STK3: variants seen among roughly 807,000 people sequenced by gnomAD.
The protein encoded by STK3 is serine/threonine kinase 3.
In STK3, 41 loss-of-function variants were observed where a neutral mutation model predicts 58.0. That is an observed-to-expected ratio of 0.71 (90% CI 0.55 to 0.92). The LOEUF (loss-of-function observed/expected upper bound fraction) is 0.92. STK3 is among the 40% of genes least tolerant of loss of function. The pLI is 0.00. For synonymous variants in STK3, 170 were observed against 191.0 expected, an observed-to-expected ratio of 0.89 and a Z score of 0.91; for missense variants, 479 against 602.7, an observed-to-expected ratio of 0.79 and a Z score of 2.15.
At chr8:98,893,421 G>GGAAGGAAA (rs1838281363) in intron 1 of STK3, among the ~76,000 whole-genome samples, 28 of 60,526 alleles carry the variant, frequency 4.6e-4, no homozygotes, top group Non-Finnish European at 6.4e-4. Context: ...AAGGAAGGAA[G>GGAAGGAAA]GAAAGAAAGA....
At chr8:98,774,088 G>A (rs1433764037) in intron 2 of STK3, among the ~76,000 whole-genome samples, 1 of 151,954 alleles carries the variant, frequency 6.6e-6, no homozygotes, top group Non-Finnish European at 1.5e-5. Context: ...GAGCCACCGC[G>A]ACCGGCCTAG....
intron 3 of STK3, among the ~76,000 whole-genome samples, chr8:98,416,364 G>GTTTTTTTTTTTTTTTTTTTTTTTTTTTT (rs57447680): frequency 1.3e-5 from 1 of 79,532 alleles, no homozygotes; most frequent in African/African-American, 5.0e-5. Flanking sequence ...GTTTGAAACT[G>GTTTTTTTTTTTTTTTTTTTTTTTTTTTT]TTTTTTTTTT....
At chr8:98,508,956 G>A (rs1250003497) in intron 10 of STK3, among the ~76,000 whole-genome samples, 1 of 152,016 alleles carries the variant, frequency 6.6e-6, no homozygotes. Context: ...TATAAATTGA[G>A]TAAACAAAAA....
rs1814501873 is a variant in STK3, at chr8:98,585,777, A to T, written c.823-5988T>A. Among the ~76,000 whole-genome samples the T allele has an allele frequency of 1.3e-5, 2 of 152,152 alleles. 1 individual carries two copies. Among genetic ancestry groups the T allele is most frequent in the South Asian group, 4.1e-4 (2 of 4,820 alleles). On this transcript the variant is annotated intron_variant, in intron 7 of 10. Transcript: ENST00000419617. ...TGTATCCTCTTCTATTTTCTTGAGC[A>T]GGGGTTTGTAGTTCTCCTTGAAGAG...
At position 98,877,708 on chromosome 8, in the gene STK3, C is replaced by G. The variant is rs570941862; in HGVS notation, c.110+5939G>C. Among the ~76,000 whole-genome samples the G allele has an allele frequency of 9.9e-5, 15 of 152,178 alleles. No homozygotes were observed. The South Asian group carries it at 3.1e-3, about 32-fold the overall frequency. ...ATGTTGGTCAGGCTGGTCTCGAACT[C>G]CCGACCTCAGGTGATCTGCCCACCT... On this transcript the variant is annotated intron_variant, in intron 3 of 12. Transcript: ENST00000523601.
intron 3 of STK3, among the ~76,000 whole-genome samples, chr8:98,842,570 C>A (rs1377659988): frequency 6.6e-6 from 1 of 152,022 alleles, no homozygotes; most frequent in African/African-American, 2.4e-5. Flanking sequence ...CCCAGATACT[C>A]AGGAAACTGA....
chr8:98,559,673 T>C (rs768552795), intron 8 of STK3, among the ~76,000 whole-genome samples: 1 of 152,100 alleles, frequency 6.6e-6, no homozygotes, highest in African/African-American at 2.4e-5. Flanking sequence ...AAATGACCTA[T>C]GGACATCGCA....
rs377356401 is a variant in STK3 at position 98,724,855 on chromosome 8, G to C, written c.352-17544C>G. Among the ~76,000 whole-genome samples, 26 of 152,208 alleles carry C rather than the reference G, an allele frequency of 1.7e-4. 1 individual carries two copies. In the East Asian group the frequency reaches 5.0e-3, roughly 29 times the overall value. On this transcript the variant is annotated intron_variant, in intron 4 of 10. Coordinates refer to ENST00000419617, the MANE Select transcript of STK3 (RefSeq NM_006281.4). ...GCAAAATCCATCTTTCCTAATTTAC[G>C]TAGGTCTTAAAGACTATCTAGAGTC...
At chr8:98,446,733 C>T (rs1818965250) in intron 1 of STK3, among the ~76,000 whole-genome samples, 1 of 152,128 alleles carries the variant, frequency 6.6e-6, no homozygotes. Context: ...AATCCCATTA[C>T]TGGGTTTATA....
At chr8:98,394,896 T>C (rs367967255) in intron 3 of STK3, among the ~76,000 whole-genome samples, 13 of 152,104 alleles carry the variant, frequency 8.5e-5, no homozygotes, top group African/African-American at 2.7e-4. Context: ...ACTAGTGGAG[T>C]CAATGCGGCA....
rs182508240 is a variant in STK3, at chr8:98,845,406, A to G, written c.110+38241T>C. On this transcript the variant is annotated intron_variant, in intron 3 of 12. Transcript: ENST00000523601. ...AAGAAACTTTTCAGACAGAACACAT[A>G]GATGGTCTAATTCTGAGATCTTTTA... Among the ~76,000 whole-genome samples the G allele has an allele frequency of 2.7e-3, 406 of 152,360 alleles. 1 individual carries two copies. The highest frequency in any genetic ancestry group is 4.7e-3 in the Non-Finnish European group (319 of 68,032).
chr8:98,399,295 CTG>C (rs1380706231), downstream of STK3, among the ~76,000 whole-genome samples: 1 of 152,252 alleles, frequency 6.6e-6, no homozygotes, highest in Admixed American at 6.5e-5. Flanking sequence ...AAATTTATGA[CTG>C]TTATTGCTCA....
downstream of STK3, chr8:98,880,878 A>T (rs1398820283): frequency 6.6e-6 from 1 of 152,206 alleles, no homozygotes; most frequent in African/African-American, 2.4e-5. Context: ...CATTGCTGGT[A>T]GGAATGCAAA....
chr8:98,736,357 T>C (rs1323179337), intron 4 of STK3, among the ~76,000 whole-genome samples: 1 of 152,114 alleles, frequency 6.6e-6, no homozygotes, highest in Non-Finnish European at 1.5e-5. Flanking sequence ...GGCATACATA[T>C]AATCACCAAA....
chr8:98,782,260 G>A, intron 1 of STK3: 1 of 171,858 alleles, frequency 5.8e-6, no homozygotes, highest in South Asian at 1.4e-4. Flanking sequence ...CAGAAGGGCA[G>A]GTACATGGTC....
intron 7 of STK3, among the ~76,000 whole-genome samples, chr8:98,589,425 T>G (rs1229508260): frequency 6.6e-6 from 1 of 152,198 alleles, no homozygotes; most frequent in Admixed American, 6.5e-5. Context: ...TCAGGGGTCA[T>G]GCACCCACTT....
chr8:98,717,668 GTAAA>G (rs1827118922), intron 4 of STK3, among the ~76,000 whole-genome samples: 1 of 152,076 alleles, frequency 6.6e-6, no homozygotes, highest in African/African-American at 2.4e-5. Flanking sequence ...CCACTTTTGG[GTAAA>G]TACTCAAAAG....
chr8:98,801,216 A>G (rs1009948952), intron 1 of STK3, among the ~76,000 whole-genome samples: 1 of 151,030 alleles, frequency 6.6e-6, no homozygotes, highest in African/African-American at 2.5e-5. Flanking sequence ...TAGCTCAGGG[A>G]TTGTAAACGC....
intron 6 of STK3, among the ~76,000 whole-genome samples, chr8:98,681,947 T>A (rs896344904): frequency 6.6e-6 from 1 of 152,252 alleles, no homozygotes; most frequent in East Asian, 1.9e-4. Flanking sequence ...TTTGTGGCAG[T>A]GCCAACGGGC....
Sources: gnomAD v4.1 joint callset for allele counts (sites outside exome capture counted in the v4.1 genomes callset) on GRCh38, gnomAD v4.1.1 for gene constraint, MANE v1.5 for transcripts, NCBI Gene and HGNC (gene_info 2026-07-23, HGNC 2026-07-21) for gene names.